COL2A1: variants seen among roughly 807,000 people sequenced by gnomAD.
COL2A1 encodes collagen type II alpha 1 chain.
COL2A1 carries 28 observed loss-of-function variants against 204.5 expected under a neutral mutation model. That is an observed-to-expected ratio of 0.14 (90% confidence interval 0.10 to 0.19). The LOEUF (loss-of-function observed/expected upper bound fraction) is 0.19. COL2A1 is among the 10% of genes least tolerant of loss of function. The pLI is 1.00. For synonymous variants in COL2A1, 708 were observed against 718.7 expected, an observed-to-expected ratio of 0.99 and a Z score of 0.24; for missense variants, 1,388 against 2,027.5, an observed-to-expected ratio of 0.68 and a Z score of 6.06.
chr12:47,976,644 C>T lies in COL2A1; in HGVS notation c.3436-77G>A. ...TATATTCTGGGAGCTGGGGGAACAG[C>T]TTTATGTCCCAGCCCCATTCCCTTT... is the stretch of plus-strand genomic sequence containing the variant. On this transcript the variant is annotated intron_variant, in intron 48 of 53. Coordinates refer to ENST00000380518, the MANE Select transcript of COL2A1 (RefSeq NM_001844.5). The surrounding 1 kb of genome is among the most constrained non-coding windows in gnomAD (Gnocchi z 4.3). 1.3e-6 allele frequency: 2 copies of T among 1,495,208 alleles called. No homozygotes were observed. Among genetic ancestry groups the T allele is most frequent in the Non-Finnish European group, 1.9e-6 (2 of 1,075,028 alleles). The allele number at this position is 1,495,208 out of a possible 1,614,324, so 92.6% of individuals were successfully genotyped here. A position where few individuals can be genotyped will look rare whatever the true frequency, so the allele number is the denominator to read the frequency against.
At chr12:47,975,829 A>G in intron 50 of COL2A1, 134 bp downstream of exon 50, 1 of 851,852 alleles carries the variant, frequency 1.2e-6, no homozygotes, top group Non-Finnish European at 2.0e-6. Flanking sequence ...ACCTCTGAGG[A>G]GACCTCAGGA....
intron 2 of COL2A1, among the ~76,000 whole-genome samples, chr12:47,999,419 C>A (rs1940124281): frequency 6.6e-6 from 1 of 152,204 alleles, no homozygotes; most frequent in Non-Finnish European, 1.5e-5. Flanking sequence ...GAAACTACCA[C>A]CAATGTTCCA....
chr12:47,984,115 G>C lies in COL2A1; in HGVS notation c.1913C>G (p.Thr638Arg). ...AGGGCCAGGGGGTCCTGCAGCACCT[G>C]TCTCACCATCTTTGCCAGGAAGACC... ...LRGLPGKDGE[T>R]GAAGPPGPAG... The change falls in exon 29 of 54, where the codon ACA becomes AGA. Residue 638 changes from threonine (T) to arginine (R), a missense_variant. By Grantham distance (71) the Thr-to-Arg change is moderately conservative. Coordinates refer to ENST00000380518, the MANE Select transcript of COL2A1 (RefSeq NM_001844.5). The C allele has an allele frequency of 1.9e-6, 3 of 1,613,620 alleles. No individual in the cohort carries two copies. The highest frequency in any genetic ancestry group is 2.5e-6 in the Non-Finnish European group (3 of 1,179,858).
chr12:47,997,863 T>G lies in COL2A1; in HGVS notation c.429+8A>C, dbSNP rs762465729. On this transcript the variant is annotated splice_region_variant and intron_variant, in intron 6 of 53. Transcript: ENST00000380518. ...CACCAGGGTCAAGCAGCATTGCTTT[T>G]TACTCACTTTTTCACCTTTGTCACC... The G allele has an allele frequency of 1.9e-6, 3 of 1,614,116 alleles. No individual in the cohort carries two copies. The highest frequency in any genetic ancestry group is 3.3e-5 in the Admixed American group (2 of 60,034).
intron 10 of COL2A1, 107 bp downstream of exon 10, chr12:47,995,603 C>G: frequency 8.5e-7 from 1 of 1,177,596 alleles, no homozygotes; most frequent in Non-Finnish European, 1.3e-6. Context: ...GGGCCACCGA[C>G]TGTGGGAAAG....
At position 47,985,455 on chromosome 12, in the gene COL2A1, C is replaced by G. The variant is rs538933714; in HGVS notation, c.1734+79G>C. Reference sequence around the variant, plus strand: ...CACAGTACTTCAGGCCTCCCTAACCCAAACTCCATCTCTCTTTTCCCTTGC... The same window carrying G: ...CACAGTACTTCAGGCCTCCCTAACCGAAACTCCATCTCTCTTTTCCCTTGC... On this transcript the variant is annotated intron_variant, in intron 26 of 53. Transcript: ENST00000380518. 8.1e-5 allele frequency: 120 copies of G among 1,489,386 alleles called. 2 individuals are homozygous for G. The South Asian group carries it at 1.3e-3, about 16-fold the overall frequency. 92.3% of individuals were successfully genotyped at this position (1,489,386 alleles called of 1,614,324 possible). A position where few individuals can be genotyped will look rare whatever the true frequency, so the allele number is the denominator to read the frequency against.
intron 1 of COL2A1, among the ~76,000 whole-genome samples, chr12:48,001,649 G>T (rs1227147743): frequency 6.6e-6 from 1 of 152,218 alleles, no homozygotes; most frequent in Non-Finnish European, 1.5e-5. Flanking sequence ...GCGGGGCCAG[G>T]CTGCGCTGGG....
intron 26 of COL2A1, among the ~76,000 whole-genome samples, chr12:47,985,313 C>T (rs111511885): frequency 2.0e-4 from 31 of 152,280 alleles, no homozygotes; most frequent in African/African-American, 7.5e-4. Flanking sequence ...TCATCATTCC[C>T]CCAAGGATAA....
Position 47,980,455 on chromosome 12 carries a change from C to T in COL2A1, c.2625+99G>A. On this transcript the variant is annotated intron_variant, in intron 39 of 53. Transcript: ENST00000380518. This position sits in a 1 kb window ranked among gnomAD's most constrained non-coding sequence, Gnocchi z 4.5. ...CTACCAACATGGGGGTGTTCCCAGG[C>T]CTGCGAACCATCCTCTGCGCAGCCT... The T allele has an allele frequency of 9.1e-7, 1 of 1,102,950 alleles. No homozygotes were observed. Among genetic ancestry groups the T allele is most frequent in the Non-Finnish European group, 1.4e-6 (1 of 738,920 alleles). 68.3% of individuals were successfully genotyped at this position (1,102,950 alleles called of 1,614,324 possible). A position where few individuals can be genotyped will look rare whatever the true frequency, so the allele number is the denominator to read the frequency against.
chr12:47,982,647 C>T, intron 33 of COL2A1, 38 bp from the exon 34 acceptor site: 1 of 1,471,662 alleles, frequency 6.8e-7, no homozygotes, highest in Non-Finnish European at 9.4e-7. Context: ...TAGTGGACAG[C>T]ACCTCTCCCT....
intron 2 of COL2A1, among the ~76,000 whole-genome samples, chr12:47,999,335 AG>A (rs1258485675): frequency 1.3e-5 from 2 of 152,218 alleles, no homozygotes. Flanking sequence ...GAACTCCCAA[AG>A]CCTAGCCCTT....
Position 48,000,171 on chromosome 12 carries a change from G to C in COL2A1, c.86-46C>G, listed in dbSNP as rs191030787. The C allele has an allele frequency of 1.7e-4, 233 of 1,361,866 alleles. 1 individual carries two copies. In the African/African-American group the frequency reaches 3.1e-3, roughly 18 times the overall value. The allele number at this position is 1,361,866 out of a possible 1,614,324, so 84.4% of individuals were successfully genotyped here. On this transcript the variant is annotated intron_variant, in intron 1 of 53. Transcript: ENST00000380518. Reference sequence around the variant, plus strand: ...GAGAAGCAGAGAGCCAAGGGAAGGAGGGGGTGGGGAGCCAGAGAGAAAAAG... The same window carrying C: ...GAGAAGCAGAGAGCCAAGGGAAGGACGGGGTGGGGAGCCAGAGAGAAAAAG...
Position 47,980,734 on chromosome 12 carries a change from G to T in COL2A1, c.2518-73C>A. Reference sequence around the variant, plus strand: ...CTGGAGCTCTTCCAGAAGAGCAGGAGACTCTGTGAGTATCTGCGTGTGTGT... The same window carrying T: ...CTGGAGCTCTTCCAGAAGAGCAGGATACTCTGTGAGTATCTGCGTGTGTGT... On this transcript the variant is annotated intron_variant, in intron 38 of 53. Coordinates refer to ENST00000380518, the MANE Select transcript of COL2A1 (RefSeq NM_001844.5). The surrounding 1 kb of genome is among the most constrained non-coding windows in gnomAD (Gnocchi z 4.5). 5 of 1,459,654 alleles carry T rather than the reference G, an allele frequency of 3.4e-6. 1 individual carries two copies. In the South Asian group the frequency reaches 6.0e-5, roughly 18 times the overall value. The allele number at this position is 1,459,654 out of a possible 1,614,324, so 90.4% of individuals were successfully genotyped here.
rs749122419 is a variant in COL2A1, at chr12:47,994,487, G to A, written c.763-10C>T. ...GTTTTCCAGCTTCACCCTGAAGGGA[G>A]AGAGAGAGATATCCCAGCTTCCTCA... On this transcript the variant is annotated splice_polypyrimidine_tract_variant and intron_variant, in intron 11 of 53. Coordinates refer to ENST00000380518, the MANE Select transcript of COL2A1 (RefSeq NM_001844.5). 7 of 1,613,498 alleles carry A rather than the reference G, an allele frequency of 4.3e-6. No homozygotes were observed. The highest frequency in any genetic ancestry group is 1.1e-5 in the South Asian group (1 of 91,036).
chr12:47,996,419 A>G, intron 8 of COL2A1, 129 bp downstream of exon 8: 1 of 828,168 alleles, frequency 1.2e-6, no homozygotes, highest in Non-Finnish European at 2.1e-6. Context: ...GCTGAATGGG[A>G]GGTTACATAA....
rs745794356 is a variant in COL2A1, at chr12:47,980,947, G to A, written c.2485C>T (p.Pro829Ser). The stretch of plus-strand genomic sequence containing the variant: ...CCAGCAAATCCCGCTGGTCCGGGGG[G>A]CCCAGTCTCTCCACGTTCACCCTGT... ...GAPGERGETGPPGPAGFAGPP... is the reference protein window; with the variant it reads ...GAPGERGETGSPGPAGFAGPP... The change falls in exon 38 of 54, where the codon CCC (proline) becomes TCC (serine). Residue 829 changes from proline (P) to serine (S), a missense_variant. Around this residue, in one of 3 missense-constraint regions of COL2A1, gnomAD observed 884 missense variants for 1,415.8 expected, o/e 0.62. Coordinates refer to ENST00000380518, the MANE Select transcript of COL2A1 (RefSeq NM_001844.5). The surrounding 1 kb of genome is among the most constrained non-coding windows in gnomAD (Gnocchi z 4.5). 1.9e-6 allele frequency: 3 copies of A among 1,552,334 alleles called. No homozygotes were observed. Among genetic ancestry groups the A allele is most frequent in the South Asian group, 1.2e-5 (1 of 84,084 alleles).
In COL2A1 at chr12:47,997,941, T is replaced by C. The variant is rs368803218; in HGVS notation, c.376-17A>G. ...TGCAGGTCCCTGAAGGTGAAGAACA[T>C]GGTAAGATGACAGCAAGGCCAGGAG... is the stretch of plus-strand genomic sequence containing the variant. On this transcript the variant is annotated splice_polypyrimidine_tract_variant and intron_variant, in intron 5 of 53. Coordinates refer to ENST00000380518, the MANE Select transcript of COL2A1 (RefSeq NM_001844.5). 5 of 1,613,998 alleles carry C rather than the reference T, an allele frequency of 3.1e-6. No individual in the cohort carries two copies. The highest frequency in any genetic ancestry group is 1.3e-5 in the African/African-American group (1 of 74,910).
Position 47,987,298 on chromosome 12 carries a change from C to T in COL2A1, c.1237G>A (p.Asp413Asn), listed in dbSNP as rs1356048426. Residue 413 changes from aspartate (D) to asparagine (N), a missense_variant, in exon 20 of 54, where the codon GAT becomes AAT. Coordinates refer to ENST00000380518, the MANE Select transcript of COL2A1 (RefSeq NM_001844.5). The surrounding 1 kb of genome is among the most constrained non-coding windows in gnomAD (Gnocchi z 4.1). ...GATCCTTTGGCTCCAGGAATTCCAT[C>T]TGTTCCAGGGTTACCCTGAAAAGGG... ...PAGASGNPGT[D>N]GIPGAKGSAG... 6.2e-7 allele frequency: 1 copy of T among 1,614,118 alleles called. No homozygotes were observed. The highest frequency in any genetic ancestry group is 8.5e-7 in the Non-Finnish European group (1 of 1,180,010).
chr12:47,997,464 C>T lies in COL2A1; in HGVS notation c.531+142G>A, dbSNP rs1940014430. 12 of 1,460,104 alleles carry T rather than the reference C, an allele frequency of 8.2e-6. No homozygotes were observed. The South Asian group carries it at 1.3e-4, about 16-fold the overall frequency. The allele number at this position is 1,460,104 out of a possible 1,614,324, so 90.4% of individuals were successfully genotyped here. On this transcript the variant is annotated intron_variant, in intron 7 of 53. Coordinates refer to ENST00000380518, the MANE Select transcript of COL2A1 (RefSeq NM_001844.5). ...CCTAATATGTGACTCTTCTAAATTA[C>T]AGGCCTGAGGGCAAAGCCCATGGAC...
Sources: gnomAD v4.1 joint callset for allele counts (sites outside exome capture counted in the v4.1 genomes callset) on GRCh38, gnomAD v4.1.1 for gene constraint, gnomAD v4.1.1 regional missense constraint, Gnocchi (gnomAD v3.1) non-coding constraint, MANE v1.5 for transcripts, NCBI Gene and HGNC (gene_info 2026-07-23, HGNC 2026-07-21) for gene names.